Variants in TRIM38 observed in about 807,000 individuals in gnomAD.
TRIM38 encodes E3 ubiquitin-protein ligase TRIM38.
Under a neutral mutation model 35.8 loss-of-function variants are expected in TRIM38, and 35 were observed. The ratio of observed to expected loss-of-function variants is 0.98; its 90% CI spans 0.75 to 1.30. The LOEUF (loss-of-function observed/expected upper bound fraction) is 1.30. Ranked by LOEUF, TRIM38 falls within the 50% of genes most tolerant of loss-of-function variation. TRIM38 has a pLI of 0.00. For missense variants in TRIM38, 545 were observed against 556.9 expected (o/e 0.98, Z 0.21); for synonymous variants, 198 against 204.7 (o/e 0.97, Z 0.28).
Position 25,988,619 on chromosome 6 carries a change from G to T in TRIM38, c.*4932G>T, listed in dbSNP as rs138375602. The T allele has an allele frequency of 1.4e-5, 2 of 147,858 alleles. No homozygotes were observed. The allele number at this position is 147,858 out of a possible 1,614,324, so 9.2% of individuals were successfully genotyped here. A position where few individuals can be genotyped will look rare whatever the true frequency, so the allele number is the denominator to read the frequency against. On this transcript the variant is annotated 3_prime_UTR_variant, in exon 8 of 8. Transcript: ENST00000357085. ...AACGATTCTCATATCTCAGCCTCCC[G>T]AGTAGCTGGGATTACAGGCTCACGC...
intron 7 of TRIM38, among the ~76,000 whole-genome samples, chr6:25,976,805 C>T (rs912507816): frequency 6.6e-6 from 1 of 152,096 alleles, no homozygotes; most frequent in Non-Finnish European, 1.5e-5. Flanking sequence ...CCAATTCTAC[C>T]CCACAAGCAA....
rs547593611 is a variant in TRIM38, at chr6:25,967,048, A to G, written c.411+115A>G. 4.5e-5 allele frequency: 51 copies of G among 1,140,278 alleles called. No homozygotes were observed. The East Asian group carries it at 1.0e-3, about 22-fold the overall frequency. The allele number at this position is 1,140,278 out of a possible 1,614,324, so 70.6% of individuals were successfully genotyped here. On this transcript the variant is annotated intron_variant, in intron 3 of 7. Coordinates refer to ENST00000357085, the MANE Select transcript of TRIM38 (RefSeq NM_006355.5). ...ATGACTTGGAAATACAGCTTTCATCATGTCATTCTTCTGAAAAATAGTTTA... is the reference window on the plus strand; with the variant it reads ...ATGACTTGGAAATACAGCTTTCATCGTGTCATTCTTCTGAAAAATAGTTTA...
intron 4 of TRIM38, among the ~76,000 whole-genome samples, chr6:25,970,338 A>G (rs1760194825): frequency 6.6e-6 from 1 of 152,166 alleles, no homozygotes; most frequent in African/African-American, 2.4e-5. Context: ...TCTTTTATGG[A>G]AATATTTAGG....
At chr6:25,981,154 A>C (rs918496970) in intron 7 of TRIM38, among the ~76,000 whole-genome samples, 9 of 152,204 alleles carry the variant, frequency 5.9e-5, no homozygotes, top group Admixed American at 1.3e-4. Context: ...CTGTAACTAT[A>C]CTAGAGTGTG....
At position 25,980,689 on chromosome 6, in the gene TRIM38, G is replaced by A. The variant is rs573892324; in HGVS notation, c.875-2475G>A. On this transcript the variant is annotated intron_variant, in intron 7 of 7. Coordinates refer to ENST00000357085, the MANE Select transcript of TRIM38 (RefSeq NM_006355.5). Reference sequence around the variant, plus strand: ...GCCTGCCTTGGCCTCCCAAAGTGCTGGGATTACAGGCATGAGCCACCACAC... The same window carrying A: ...GCCTGCCTTGGCCTCCCAAAGTGCTAGGATTACAGGCATGAGCCACCACAC... Among the ~76,000 whole-genome samples, 12 of 152,252 alleles carry A rather than the reference G, an allele frequency of 7.9e-5. No individual in the cohort carries two copies. The South Asian group carries it at 2.5e-3, about 32-fold the overall frequency.
chr6:25,971,114 C>A (rs554896766), intron 4 of TRIM38, among the ~76,000 whole-genome samples: 1 of 152,142 alleles, frequency 6.6e-6, no homozygotes, highest in African/African-American at 2.4e-5. Context: ...TCAAGAAAAT[C>A]GCTCCAACTC....
At chr6:25,977,664 C>T (rs1760436465) in intron 7 of TRIM38, among the ~76,000 whole-genome samples, 1 of 129,146 alleles carries the variant, frequency 7.7e-6, no homozygotes, top group African/African-American at 2.9e-5. Flanking sequence ...AAGACTCCAT[C>T]TCAAAAAAAA....
At position 25,969,324 on chromosome 6, in the gene TRIM38, G is replaced by T; in HGVS notation, c.412-1G>T. 1 of 1,611,690 alleles carries T rather than the reference G, an allele frequency of 6.2e-7. No individual in the cohort carries two copies. The highest frequency in any genetic ancestry group is 1.1e-5 in the South Asian group (1 of 90,320). ...CTTCACTTATCAAATTTTTCCTTCAGGAAAAGCTCCAGAAAGCTGTGACAA... is the reference window on the plus strand; with the variant it reads ...CTTCACTTATCAAATTTTTCCTTCATGAAAAGCTCCAGAAAGCTGTGACAA... On this transcript the variant is annotated splice_acceptor_variant, in intron 3 of 7. Transcript: ENST00000357085. LOFTEE classifies it high-confidence loss of function.
chr6:25,971,781 T>C (rs1433636005), intron 4 of TRIM38, 88 bp from the exon 5 acceptor site: 20 of 1,131,080 alleles, frequency 1.8e-5, no homozygotes, highest in Non-Finnish European at 2.5e-5. Flanking sequence ...TAGTAGCGTG[T>C]GTCAGACTTT....
Position 25,971,951 on chromosome 6 carries a change from A to G in TRIM38, c.590A>G (p.Tyr197Cys), listed in dbSNP as rs150462702. The stretch of plus-strand genomic sequence containing the variant: ...TTCCTACATGAGGAAGAGAAGTCTT[A>G]TCTCTGGAGGCTGGAGAAAGAAGAA... ...QCFLHEEEKS[Y>C]LWRLEKEEQQ... is the part of the protein sequence containing the mutation. Residue 197 changes from tyrosine to cysteine, a missense_variant, in exon 5 of 8, where the codon TAT (tyrosine) becomes TGT (cysteine). Coordinates refer to ENST00000357085, the MANE Select transcript of TRIM38 (RefSeq NM_006355.5). The G allele has an allele frequency of 9.5e-4, 1,531 of 1,614,186 alleles. 3 individuals are homozygous for G. Among genetic ancestry groups the G allele is most frequent in the Middle Eastern group, 5.9e-3 (36 of 6,062 alleles).
intron 7 of TRIM38, chr6:25,974,826 AG>A: frequency 1.1e-6 from 1 of 914,648 alleles, no homozygotes; most frequent in Non-Finnish European, 1.3e-6. Context: ...AAGGAATTAT[AG>A]ACCTGTGTTC....
At chr6:25,974,974 A>G in intron 7 of TRIM38, 1 of 984,062 alleles carries the variant, frequency 1.0e-6, no homozygotes, top group Non-Finnish European at 1.2e-6. Flanking sequence ...GCCTACTCTC[A>G]TCTTTTACAG....
chr6:25,980,623 G>A (rs1760517911), intron 7 of TRIM38, among the ~76,000 whole-genome samples: 1 of 152,102 alleles, frequency 6.6e-6, no homozygotes, highest in African/African-American at 2.4e-5. Context: ...GTTTTGCCAT[G>A]TTGGGCAGGC....
rs1435715354 is a variant in TRIM38 at position 25,966,745 on chromosome 6, A to T, written c.223A>T (p.Lys75Ter). The stretch of plus-strand genomic sequence containing the variant: ...TCATATGGATAGCCTCCGACCCAAC[A>T]AGCAGCTGGGAAGCCTCATTGAAGC... ...PFHMDSLRPN[K>*]QLGSLIEALK... Residue 75 changes from lysine (K) to a stop codon, truncating the protein, a stop_gained, in exon 3 of 8, where the codon AAG (lysine) becomes TAG (stop). Transcript: ENST00000357085. LOFTEE classifies it high-confidence loss of function. 1 of 1,614,154 alleles carries T rather than the reference A, an allele frequency of 6.2e-7. No individual in the cohort carries two copies. The highest frequency in any genetic ancestry group is 1.7e-5 in the Admixed American group (1 of 60,022).
chr6:25,975,232 G>T (rs767796287), intron 7 of TRIM38: 5 of 691,230 alleles, frequency 7.2e-6, no homozygotes, highest in Non-Finnish European at 8.9e-6. Context: ...TTTTTTTTGA[G>T]ATGGAGTCTC....
intron 7 of TRIM38, among the ~76,000 whole-genome samples, chr6:25,974,150 T>G (rs929958667): frequency 1.3e-5 from 2 of 152,224 alleles, no homozygotes; most frequent in Admixed American, 6.5e-5. Context: ...AGGCTGCAGT[T>G]AAGGTGTTGG....
chr6:25,971,796 C>A, intron 4 of TRIM38, 73 bp from the exon 5 acceptor site: 1 of 1,314,914 alleles, frequency 7.6e-7, no homozygotes, highest in Non-Finnish European at 1.1e-6. Context: ...GACTTTCATT[C>A]TTGTTTATCC....
chr6:25,973,393 G>A, intron 7 of TRIM38, 108 bp downstream of exon 7: 1 of 1,482,774 alleles, frequency 6.7e-7, no homozygotes, highest in Non-Finnish European at 9.0e-7. Context: ...AGGTTGTTTA[G>A]TTAATTTCAG....
intron 7 of TRIM38, chr6:25,973,839 C>T: frequency 2.0e-6 from 2 of 985,378 alleles, no homozygotes. Flanking sequence ...AATGTTAGAA[C>T]CATTTACTGA....
Sources: gnomAD v4.1 joint callset for allele counts (sites outside exome capture counted in the v4.1 genomes callset) on GRCh38, gnomAD v4.1.1 for gene constraint, MANE v1.5 for transcripts, NCBI Gene and HGNC (gene_info 2026-07-23, HGNC 2026-07-21) for gene names.